The following PLCL2 variants were observed in gnomAD, a reference collection of about 807,000 sequenced individuals.
PLCL2 encodes phospholipase C like 2, also known as inactive phospholipase C-like protein 2.
A neutral mutation model predicts 79.6 loss-of-function variants in PLCL2; 4 were observed. That is an observed-to-expected ratio of 0.05 (90% CI 0.02 to 0.11). PLCL2 has a LOEUF of 0.11. PLCL2 is among the 10% of genes least tolerant of loss of function. PLCL2 has a pLI of 1.00. For missense variants in PLCL2, 895 were observed against 1,291.0 expected, an observed-to-expected ratio of 0.69 and a Z score of 4.70; for synonymous variants, 484 against 457.7, an observed-to-expected ratio of 1.06 and a Z score of -0.73.
intron 1 of PLCL2, among the ~76,000 whole-genome samples, chr3:16,997,184 T>C (rs1453270092): frequency 1.3e-5 from 2 of 152,244 alleles, no homozygotes; most frequent in East Asian, 3.8e-4. Flanking sequence ...AGATTTTCTA[T>C]TCTGACTATC....
chr3:17,060,057 G>A (rs1367720559), intron 4 of PLCL2, among the ~76,000 whole-genome samples: 1 of 152,064 alleles, frequency 6.6e-6, no homozygotes, highest in Non-Finnish European at 1.5e-5. Context: ...TTTATTTCTC[G>A]GTGAAATGAA....
At chr3:16,954,572 T>A (rs528584065) in intron 1 of PLCL2, among the ~76,000 whole-genome samples, 1 of 152,280 alleles carries the variant, frequency 6.6e-6, no homozygotes, top group East Asian at 1.9e-4. Flanking sequence ...AAATGGTATT[T>A]CTAGTTCTAG....
At chr3:17,023,922 A>T (rs1474688797) in intron 3 of PLCL2, among the ~76,000 whole-genome samples, 1 of 152,210 alleles carries the variant, frequency 6.6e-6, no homozygotes. Context: ...GTGAAAAGAA[A>T]TAACTTATTG....
At chr3:17,020,713 G>A (rs892129879) in intron 3 of PLCL2, among the ~76,000 whole-genome samples, 2 of 152,064 alleles carry the variant, frequency 1.3e-5, no homozygotes, top group Non-Finnish European at 2.9e-5. Flanking sequence ...CTCTCTGAGT[G>A]TTTTTATTTA....
rs546178090 is a variant in PLCL2 at position 16,988,814 on chromosome 3, A to G, written c.328-20860A>G. ...ATGCTTTTCATAACATGGAGGAAAA[A>G]AAAGGTATTCATCATTTTCATAAAT... On this transcript the variant is annotated intron_variant, in intron 1 of 5. Transcript: ENST00000615277. Among the ~76,000 whole-genome samples the G allele has an allele frequency of 3.3e-5, 5 of 152,278 alleles. No individual in the cohort carries two copies. In the East Asian group the frequency reaches 9.6e-4, roughly 29 times the overall value.
chr3:17,082,606 A>G (rs912418035), intron 5 of PLCL2, among the ~76,000 whole-genome samples: 1 of 152,134 alleles, frequency 6.6e-6, no homozygotes, highest in African/African-American at 2.4e-5. Context: ...CCAAAGGCCT[A>G]TTCTGTTTAA....
intron 1 of PLCL2, among the ~76,000 whole-genome samples, chr3:16,895,084 A>G (rs1696446042): frequency 1.4e-5 from 2 of 142,870 alleles, no homozygotes; most frequent in Admixed American, 7.3e-5. Flanking sequence ...ATATAGATAT[A>G]TGTTGAAACA....
chr3:16,943,699 A>G (rs1184984385), intron 1 of PLCL2, among the ~76,000 whole-genome samples: 1 of 152,180 alleles, frequency 6.6e-6, no homozygotes, highest in Non-Finnish European at 1.5e-5. Flanking sequence ...AATATAACAG[A>G]TATCCATCCA....
chr3:16,940,365 T>C (rs1284500512), intron 1 of PLCL2, among the ~76,000 whole-genome samples: 4 of 152,246 alleles, frequency 2.6e-5, no homozygotes, highest in Non-Finnish European at 4.4e-5. Flanking sequence ...TCTCTCCTTA[T>C]GTCTCTTTTC....
At chr3:17,053,266 G>A (rs1160824625) in intron 4 of PLCL2, among the ~76,000 whole-genome samples, 1 of 152,110 alleles carries the variant, frequency 6.6e-6, no homozygotes, top group Non-Finnish European at 1.5e-5. Context: ...ATGGCAGAAG[G>A]TGAAGGAGAA....
intron 1 of PLCL2, among the ~76,000 whole-genome samples, chr3:16,990,295 G>T (rs904984286): frequency 6.6e-6 from 1 of 152,170 alleles, no homozygotes; most frequent in African/African-American, 2.4e-5. Context: ...TACACAGGAA[G>T]GGCTGGTGCA....
chr3:16,979,089 C>T (rs769154702), intron 1 of PLCL2, among the ~76,000 whole-genome samples: 1 of 152,202 alleles, frequency 6.6e-6, no homozygotes, highest in African/African-American at 2.4e-5. Flanking sequence ...CTAGACCATT[C>T]TAAGCCCAAG....
intron 3 of PLCL2, among the ~76,000 whole-genome samples, chr3:17,038,548 C>A (rs1352959028): frequency 6.6e-6 from 1 of 152,222 alleles, no homozygotes; most frequent in South Asian, 2.1e-4. Context: ...ACTACCTGCA[C>A]ATCTGTTTTT....
chr3:16,904,699 T>C (rs758299354), intron 1 of PLCL2, among the ~76,000 whole-genome samples: 5 of 152,178 alleles, frequency 3.3e-5, no homozygotes, highest in Non-Finnish European at 7.4e-5. Context: ...GTAGTTCCCG[T>C]AATCCCTACA....
intron 4 of PLCL2, among the ~76,000 whole-genome samples, chr3:17,051,400 T>C (rs112339443): frequency 8.1e-4 from 123 of 152,228 alleles, no homozygotes; most frequent in African/African-American, 2.8e-3. Flanking sequence ...TATCAAAACA[T>C]GTCACGTACC....
chr3:16,926,472 T>C (rs866239770), intron 1 of PLCL2, among the ~76,000 whole-genome samples: 12 of 152,228 alleles, frequency 7.9e-5, no homozygotes, highest in African/African-American at 2.9e-4. Flanking sequence ...TAAATAAATG[T>C]TAACTATTGT....
intron 1 of PLCL2, among the ~76,000 whole-genome samples, chr3:16,941,389 G>A (rs914331946): frequency 3.3e-5 from 5 of 152,066 alleles, no homozygotes; most frequent in African/African-American, 1.2e-4. Context: ...AGGCCAATCA[G>A]ATGATTCTCT....
intron 3 of PLCL2, among the ~76,000 whole-genome samples, chr3:17,041,424 A>G (rs1210601778): frequency 4.6e-5 from 7 of 152,164 alleles, no homozygotes; most frequent in African/African-American, 1.7e-4. Flanking sequence ...CTTGGCCTTT[A>G]AACTTTTGAT....
At chr3:16,957,384 G>A (rs1419848262) in intron 1 of PLCL2, among the ~76,000 whole-genome samples, 1 of 152,122 alleles carries the variant, frequency 6.6e-6, no homozygotes, top group Non-Finnish European at 1.5e-5. Flanking sequence ...TTGCACTGTG[G>A]TCTGAGAGAC....
Sources: allele counts gnomAD v4.1 joint callset (sites outside exome capture counted in the v4.1 genomes callset), GRCh38; gene constraint gnomAD v4.1.1; transcripts MANE v1.5; gene names NCBI Gene and HGNC (gene_info 2026-07-23, HGNC 2026-07-21).